The following NALF1 variants were observed in gnomAD, a reference collection of about 807,000 sequenced individuals.
NALF1 encodes NALCN channel auxiliary factor 1.
Under a neutral mutation model 48.4 loss-of-function variants are expected in NALF1, and 3 were observed. That is an observed-to-expected ratio of 0.06 (90% CI 0.03 to 0.16). The LOEUF (loss-of-function observed/expected upper bound fraction) is 0.16, where lower values mean the gene tolerates loss of function less well. Ranked by LOEUF, NALF1 falls within the 10% of genes least tolerant of loss-of-function variation. NALF1 has a pLI of 1.00. For missense variants in NALF1, 526 were observed against 571.5 expected (o/e 0.92, Z 0.81); for synonymous variants, 262 against 245.7 (o/e 1.07, Z -0.62).
chr13:107,400,466 A>T (rs1253592175), intron 1 of NALF1, among the ~76,000 whole-genome samples: 1 of 152,212 alleles, frequency 6.6e-6, no homozygotes, highest in East Asian at 1.9e-4. Context: ...CTGTAATCCC[A>T]GCACTTTTGG....
chr13:107,518,377 C>G (rs1179620231), intron 1 of NALF1, among the ~76,000 whole-genome samples: 1 of 152,058 alleles, frequency 6.6e-6, no homozygotes, highest in East Asian at 1.9e-4. Context: ...TTTGGGGCAT[C>G]TAGGAGTTTG....
intron 1 of NALF1, among the ~76,000 whole-genome samples, chr13:107,811,260 T>C (rs916743766): frequency 1.9e-4 from 29 of 152,194 alleles, no homozygotes; most frequent in African/African-American, 7.0e-4. Context: ...TACTTGTTTT[T>C]ACTTGTGCTG....
At chr13:107,385,855 A>C (rs1179300281) in intron 1 of NALF1, among the ~76,000 whole-genome samples, 1 of 152,178 alleles carries the variant, frequency 6.6e-6, no homozygotes, top group Non-Finnish European at 1.5e-5. Flanking sequence ...TCACTCAGTT[A>C]TAATACTGAA....
chr13:107,283,357 A>G (rs1056831165), intron 1 of NALF1, among the ~76,000 whole-genome samples: 8 of 152,262 alleles, frequency 5.3e-5, no homozygotes, highest in African/African-American at 1.9e-4. Flanking sequence ...CTCTCCTCAG[A>G]GACATCAAAA....
intron 1 of NALF1, among the ~76,000 whole-genome samples, chr13:107,818,728 C>T (rs562332346): frequency 6.1e-5 from 9 of 147,418 alleles, no homozygotes; most frequent in Middle Eastern, 6.8e-3. Context: ...AAAAATTAGC[C>T]GGGCGTGGTA....
At chr13:107,638,235 T>C (rs1489243486) in intron 1 of NALF1, among the ~76,000 whole-genome samples, 10 of 108,690 alleles carry the variant, frequency 9.2e-5, no homozygotes, top group Non-Finnish European at 1.9e-4. Flanking sequence ...GGAGATATTA[T>C]TTAAGATGAA....
At chr13:107,680,647 CAT>C (rs774115115) in intron 1 of NALF1, among the ~76,000 whole-genome samples, 77,479 of 151,646 alleles carry the variant, frequency 0.51, 20,954 homozygotes, top group Middle Eastern at 0.66. Context: ...TGAAAGTGTG[CAT>C]ATGAGTGTGT....
At chr13:107,363,231 C>A (rs541170511) in intron 1 of NALF1, among the ~76,000 whole-genome samples, 1 of 152,166 alleles carries the variant, frequency 6.6e-6, no homozygotes, top group Admixed American at 6.5e-5. Context: ...TGCATACAAT[C>A]TTATTCAGAA....
intron 1 of NALF1, among the ~76,000 whole-genome samples, chr13:107,827,861 G>A (rs1431605784): frequency 6.6e-6 from 1 of 152,094 alleles, no homozygotes; most frequent in Non-Finnish European, 1.5e-5. Flanking sequence ...AATTTAAGTT[G>A]GGTAAATTTT....
intron 1 of NALF1, among the ~76,000 whole-genome samples, chr13:107,697,714 G>A (rs1239512440): frequency 6.6e-6 from 1 of 152,056 alleles, no homozygotes; most frequent in East Asian, 1.9e-4. Context: ...AAATATGAAA[G>A]TAAAAAGAAT....
intron 1 of NALF1, among the ~76,000 whole-genome samples, chr13:107,433,285 T>C (rs1594060352): frequency 2.0e-5 from 3 of 152,214 alleles, no homozygotes; most frequent in Admixed American, 2.0e-4. Context: ...GAGAGACCAG[T>C]TGCCATACAT....
chr13:107,189,376 GA>G (rs1287170138), intron 2 of NALF1, among the ~76,000 whole-genome samples: 1 of 151,936 alleles, frequency 6.6e-6, no homozygotes, highest in East Asian at 1.9e-4. Flanking sequence ...AAACAGAGAA[GA>G]AAAAAATGGA....
intron 1 of NALF1, among the ~76,000 whole-genome samples, chr13:107,641,041 A>G (rs1179326750): frequency 6.6e-6 from 1 of 152,236 alleles, no homozygotes; most frequent in African/African-American, 2.4e-5. Flanking sequence ...TAACTAAAAT[A>G]TGGTATTGAC....
At chr13:107,470,007 T>G (rs2139051640) in intron 1 of NALF1, among the ~76,000 whole-genome samples, 1 of 151,922 alleles carries the variant, frequency 6.6e-6, no homozygotes, top group Admixed American at 6.6e-5. Flanking sequence ...CCTCCCAAAG[T>G]GCTGAGATTA....
intron 2 of NALF1, among the ~76,000 whole-genome samples, chr13:107,179,017 G>A (rs1879005099): frequency 6.6e-6 from 1 of 152,006 alleles, no homozygotes; most frequent in Admixed American, 6.6e-5. Flanking sequence ...CTAGTTTTAT[G>A]TCCACAGAAA....
chr13:107,494,197 G>A (rs1566365126), intron 1 of NALF1, among the ~76,000 whole-genome samples: 1 of 138,336 alleles, frequency 7.2e-6, no homozygotes, highest in Non-Finnish European at 1.5e-5. Flanking sequence ...TGCTGAAACC[G>A]GTAGGCGAAA....
intron 1 of NALF1, among the ~76,000 whole-genome samples, chr13:107,290,173 G>GC (rs1881585730): frequency 1.7e-5 from 2 of 114,630 alleles, no homozygotes; most frequent in Non-Finnish European, 1.7e-5. Context: ...CCACAAACCA[G>GC]CAAAAAAAAA....
At chr13:107,677,445 C>G (rs1881160767) in intron 1 of NALF1, among the ~76,000 whole-genome samples, 1 of 152,150 alleles carries the variant, frequency 6.6e-6, no homozygotes, top group African/African-American at 2.4e-5. Flanking sequence ...TGTAACTCTC[C>G]TCCTAAAATT....
At chr13:107,258,832 G>C (rs1438077242) in intron 1 of NALF1, among the ~76,000 whole-genome samples, 1 of 123,684 alleles carries the variant, frequency 8.1e-6, no homozygotes, top group Non-Finnish European at 1.7e-5. Flanking sequence ...TTTATGAAAG[G>C]CTTAAGGAAT....
Sources: allele counts gnomAD v4.1 joint callset (sites outside exome capture counted in the v4.1 genomes callset), GRCh38; gene constraint gnomAD v4.1.1; transcripts MANE v1.5; gene names NCBI Gene and HGNC (gene_info 2026-07-23, HGNC 2026-07-21).